Variants in TNFRSF19 observed in about 807,000 individuals in gnomAD.
TNFRSF19 encodes TNF receptor superfamily member 19, also known as tumor necrosis factor receptor superfamily member 19.
In TNFRSF19, 27 loss-of-function variants were observed where a neutral mutation model predicts 46.4. The ratio of observed to expected loss-of-function variants is 0.58; its 90% CI spans 0.43 to 0.80. TNFRSF19 has a LOEUF of 0.80. Among genes scored for constraint, TNFRSF19 ranks in the 30% least tolerant of loss-of-function variants. The probability of loss-of-function intolerance (pLI) is 0.00; values close to 1 mark genes in which losing one functional copy is unlikely to be tolerated. For synonymous variants in TNFRSF19, 204 were observed against 205.0 expected, an observed-to-expected ratio of 1.00 and a Z score of 0.04; for missense variants, 511 against 530.8, an observed-to-expected ratio of 0.96 and a Z score of 0.37.
chr13:23,633,111 C>CTT (rs34800120), intron 5 of TNFRSF19, among the ~76,000 whole-genome samples: 37,442 of 136,022 alleles, frequency 0.28, 5,698 homozygotes, highest in South Asian at 0.38. Flanking sequence ...TTGTTGACGT[C>CTT]TTTTTTTTTT....
Position 23,662,429 on chromosome 13 carries a change from C to T in TNFRSF19, c.736+1939C>T, listed in dbSNP as rs531722180. 2.6e-5 allele frequency among the ~76,000 whole-genome samples: 4 copies of T among 152,266 alleles called. No homozygotes were observed. In the South Asian group the frequency reaches 8.3e-4, roughly 32 times the overall value. On this transcript the variant is annotated intron_variant, in intron 7 of 9. Transcript: ENST00000248484. The stretch of plus-strand genomic sequence containing the variant: ...TACCATGCTGTTTTGGTTACTGTGG[C>T]CTTGTAGCGTAGTTTGAAATCAGCT...
intron 9 of TNFRSF19, 79 bp downstream of exon 9, chr13:23,669,176 G>T (rs781006725): frequency 1.3e-6 from 2 of 1,501,492 alleles, no homozygotes; most frequent in Admixed American, 2.4e-5. Flanking sequence ...CATAAGATTT[G>T]GGGGAACCTG....
chr13:23,605,030 A>C (rs1405463138), intron 3 of TNFRSF19, among the ~76,000 whole-genome samples: 1 of 152,226 alleles, frequency 6.6e-6, no homozygotes, highest in African/African-American at 2.4e-5. Context: ...ATGGAAATAC[A>C]AGCCAGAAAT....
chr13:23,609,599 GCA>G (rs1880757052), intron 3 of TNFRSF19, among the ~76,000 whole-genome samples: 1 of 152,110 alleles, frequency 6.6e-6, no homozygotes, highest in African/African-American at 2.4e-5. Flanking sequence ...CAAGTCTCTG[GCA>G]CAGTTTTCAA....
chr13:23,638,868 G>A (rs913844317), intron 5 of TNFRSF19, among the ~76,000 whole-genome samples: 3 of 152,094 alleles, frequency 2.0e-5, no homozygotes, highest in African/African-American at 7.2e-5. Context: ...TTTTCCTTGA[G>A]TTTCATTGCT....
intron 5 of TNFRSF19, among the ~76,000 whole-genome samples, chr13:23,646,132 T>G (rs1883314678): frequency 6.6e-6 from 1 of 152,018 alleles, no homozygotes; most frequent in African/African-American, 2.4e-5. Context: ...TCTGGGCCAG[T>G]GCGGCACCCC....
At chr13:23,649,038 T>C (rs1232594051) in intron 5 of TNFRSF19, among the ~76,000 whole-genome samples, 1 of 152,204 alleles carries the variant, frequency 6.6e-6, no homozygotes. Context: ...GTAGTTTTTT[T>C]CCCTCATGGC....
chr13:23,601,120 C>T (rs992694108), intron 3 of TNFRSF19, among the ~76,000 whole-genome samples: 1 of 152,016 alleles, frequency 6.6e-6, no homozygotes, highest in Admixed American at 6.6e-5. Flanking sequence ...AAGTTAATGC[C>T]AGACACCAAA....
At chr13:23,630,880 T>TA (rs758315491) in intron 5 of TNFRSF19, among the ~76,000 whole-genome samples, 2 of 152,158 alleles carry the variant, frequency 1.3e-5, no homozygotes, top group East Asian at 1.9e-4. Context: ...AAACTTTATT[T>TA]AAGTATGTTT....
At chr13:23,598,758 C>A (rs1353649787) in intron 3 of TNFRSF19, among the ~76,000 whole-genome samples, 1 of 152,166 alleles carries the variant, frequency 6.6e-6, no homozygotes, top group Admixed American at 6.5e-5. Context: ...GCTATACATC[C>A]ATTTGCTTTA....
intron 5 of TNFRSF19, among the ~76,000 whole-genome samples, chr13:23,636,910 A>G (rs1408679433): frequency 6.6e-6 from 1 of 152,168 alleles, no homozygotes; most frequent in Non-Finnish European, 1.5e-5. Flanking sequence ...CTTTCTCAAG[A>G]GTTGGTTATT....
At chr13:23,577,679 A>G (rs892699960) in intron 1 of TNFRSF19, among the ~76,000 whole-genome samples, 1 of 152,244 alleles carries the variant, frequency 6.6e-6, no homozygotes, top group Non-Finnish European at 1.5e-5. Context: ...GGTAAAGCTC[A>G]GAGGTAAGAT....
intron 1 of TNFRSF19, among the ~76,000 whole-genome samples, chr13:23,578,355 T>C (rs1878109255): frequency 6.6e-6 from 1 of 151,872 alleles, no homozygotes; most frequent in Non-Finnish European, 1.5e-5. Context: ...ATATACAACC[T>C]CTATCAAGGT....
At chr13:23,653,360 T>C (rs544887368) in intron 5 of TNFRSF19, among the ~76,000 whole-genome samples, 1 of 152,138 alleles carries the variant, frequency 6.6e-6, no homozygotes, top group Non-Finnish European at 1.5e-5. Flanking sequence ...AGAAGCAGGG[T>C]GGGATCTCCA....
intron 7 of TNFRSF19, among the ~76,000 whole-genome samples, chr13:23,667,450 A>T (rs976655287): frequency 2.0e-5 from 3 of 152,178 alleles, no homozygotes; most frequent in African/African-American, 7.2e-5. Flanking sequence ...TTAGGAGGCC[A>T]CTCAGCGGGA....
chr13:23,621,549 A>G (rs1009026226), intron 4 of TNFRSF19, among the ~76,000 whole-genome samples: 12 of 152,216 alleles, frequency 7.9e-5, no homozygotes, highest in African/African-American at 2.9e-4. Flanking sequence ...GAGCTGTTCT[A>G]TGGCATGCCA....
chr13:23,657,547 C>G (rs929200333), intron 5 of TNFRSF19, among the ~76,000 whole-genome samples: 2 of 151,928 alleles, frequency 1.3e-5, no homozygotes, highest in Admixed American at 6.5e-5. Context: ...AAAACCACAC[C>G]GGATTTTAAA....
intron 5 of TNFRSF19, among the ~76,000 whole-genome samples, chr13:23,656,649 T>C (rs1884002143): frequency 6.6e-6 from 1 of 152,196 alleles, no homozygotes; most frequent in South Asian, 2.1e-4. Flanking sequence ...AAACCCCATA[T>C]TGTGTAGGGC....
chr13:23,601,528 T>A (rs2138211912), intron 3 of TNFRSF19, among the ~76,000 whole-genome samples: 2 of 152,280 alleles, frequency 1.3e-5, no homozygotes, highest in Middle Eastern at 3.4e-3. Flanking sequence ...GAAACATGGA[T>A]CTACATAAAA....
Sources: gnomAD v4.1 joint callset for allele counts (sites outside exome capture counted in the v4.1 genomes callset) on GRCh38, gnomAD v4.1.1 for gene constraint, MANE v1.5 for transcripts, NCBI Gene and HGNC (gene_info 2026-07-23, HGNC 2026-07-21) for gene names.